Variants in DMD observed in about 807,000 individuals in gnomAD.
The protein encoded by DMD is dystrophin.
Under a neutral mutation model 330.1 loss-of-function variants are expected in DMD, and 63 were observed. That is an observed-to-expected ratio of 0.19 (90% CI 0.16 to 0.24). The LOEUF is 0.24. Ranked by LOEUF, DMD falls within the 10% of genes least tolerant of loss-of-function variation. DMD has a pLI of 1.00. For synonymous variants in DMD, 1,223 were observed against 959.8 expected, an observed-to-expected ratio of 1.27 and a Z score of -5.07; for missense variants, 3,344 against 2,684.1, an observed-to-expected ratio of 1.25 and a Z score of -5.43.
intron 1 of DMD, among the ~76,000 whole-genome samples, chrX:33,111,973 C>T (rs903175939): frequency 9.0e-6 from 1 of 111,034 alleles, no homozygotes; most frequent in Non-Finnish European, 1.9e-5. Context: ...AAAGCAACTA[C>T]ATGAAATAAA....
intron 50 of DMD, among the ~76,000 whole-genome samples, chrX:31,793,934 C>T (rs1406820397): frequency 9.0e-6 from 1 of 111,516 alleles, no homozygotes; most frequent in African/African-American, 3.3e-5. Flanking sequence ...GAGAAATCAG[C>T]ACTTGCCCTT....
chrX:32,502,628 A>G lies in DMD; in HGVS notation c.2293-786T>C, dbSNP rs778001213. On this transcript the variant is annotated intron_variant, in intron 18 of 78. Coordinates refer to ENST00000357033, the MANE Select transcript of DMD (RefSeq NM_004006.3). ...TATAACAATGTGTATGTCCTAAAAC[A>G]TAACTATTCAAATAACTATAACGCA... Among the ~76,000 whole-genome samples, 128 of 112,404 alleles carry G rather than the reference A, an allele frequency of 1.1e-3. 1 individual carries two copies. The highest frequency in any genetic ancestry group is 1.0e-3 in the Non-Finnish European group (55 of 53,257).
intron 71 of DMD, among the ~76,000 whole-genome samples, chrX:31,177,500 TATAAC>T (rs982721563): frequency 1.8e-5 from 2 of 111,831 alleles, no homozygotes; most frequent in African/African-American, 6.5e-5. Flanking sequence ...ATAGTCCACT[TATAAC>T]AGACCCTAAA....
At chrX:32,031,838 T>C (rs981417184) in intron 44 of DMD, among the ~76,000 whole-genome samples, 1 of 112,050 alleles carries the variant, frequency 8.9e-6, no homozygotes, top group Admixed American at 9.5e-5. Context: ...TTCAAATGTT[T>C]GTCTTGCTAA....
intron 16 of DMD, among the ~76,000 whole-genome samples, chrX:32,551,880 T>C (rs1056305906): frequency 9.0e-6 from 1 of 111,689 alleles, no homozygotes; most frequent in Admixed American, 9.5e-5. Flanking sequence ...CATTCATAAT[T>C]GTCAAAAAGA....
At chrX:32,395,879 T>A in intron 30 of DMD, among the ~76,000 whole-genome samples, 1 of 111,560 alleles carries the variant, frequency 9.0e-6, no homozygotes, top group East Asian at 2.8e-4. Flanking sequence ...CTACAGAACC[T>A]TAAGTTTCAG....
chrX:32,448,652 A>C lies in DMD; in HGVS notation c.3604-14T>G. On this transcript the variant is annotated splice_polypyrimidine_tract_variant and intron_variant, in intron 26 of 78. Coordinates refer to ENST00000357033, the MANE Select transcript of DMD (RefSeq NM_004006.3). ...TTCTTTAGCTCTCTGAAAAATAAAGAATGCTCTCTTAATAGCATGAAAATA... is the reference window on the plus strand; with the variant it reads ...TTCTTTAGCTCTCTGAAAAATAAAGCATGCTCTCTTAATAGCATGAAAATA... The C allele has an allele frequency of 8.4e-7, 1 of 1,192,068 alleles. No homozygotes were observed. Among genetic ancestry groups the C allele is most frequent in the Non-Finnish European group, 1.1e-6 (1 of 883,014 alleles).
chrX:32,975,655 T>C (rs1359930418), intron 2 of DMD, among the ~76,000 whole-genome samples: 2 of 111,240 alleles, frequency 1.8e-5, no homozygotes, highest in African/African-American at 6.5e-5. Flanking sequence ...CTGATGTACA[T>C]GCTGCCTCTT....
At chrX:32,610,832 T>A (rs2057111432) in intron 12 of DMD, among the ~76,000 whole-genome samples, 1 of 111,105 alleles carries the variant, frequency 9.0e-6, no homozygotes, top group Non-Finnish European at 1.9e-5. Flanking sequence ...TGATGCATTT[T>A]GTTGTCAGAA....
chrX:31,905,086 A>G (rs1353987442), intron 47 of DMD, among the ~76,000 whole-genome samples: 2 of 111,515 alleles, frequency 1.8e-5, no homozygotes, highest in Non-Finnish European at 3.8e-5. Flanking sequence ...TCAAATATAT[A>G]CTCAGATGAA....
At position 33,079,826 on chromosome X, in the gene DMD, A is replaced by G. The variant is rs192396807; in HGVS notation, c.32-59626T>C. On this transcript the variant is annotated intron_variant, in intron 1 of 78. Transcript: ENST00000357033. ...TCTTAAAAGAAAAACCTTTATTCTG[A>G]CAGAGGAGACTTAGCTTTCCAAACA... 5.9e-4 allele frequency among the ~76,000 whole-genome samples: 66 copies of G among 111,883 alleles called. No individual in the cohort carries two copies. In the Middle Eastern group the frequency reaches 0.018, roughly 31 times the overall value.
At chrX:33,234,100 C>T (rs767985937) in intron 1 of DMD, among the ~76,000 whole-genome samples, 10 of 111,660 alleles carry the variant, frequency 9.0e-5, no homozygotes, top group African/African-American at 2.9e-4. Flanking sequence ...TGCTCTATAC[C>T]GGTCCTCAGA....
chrX:32,491,984 T>A (rs1187698373), intron 19 of DMD, among the ~76,000 whole-genome samples: 2 of 111,512 alleles, frequency 1.8e-5, no homozygotes, highest in African/African-American at 6.5e-5. Context: ...ATTTTCATAG[T>A]TTTAAAAAGA....
chrX:31,544,761 C>G (rs2074050150), intron 55 of DMD, among the ~76,000 whole-genome samples: 1 of 111,136 alleles, frequency 9.0e-6, no homozygotes, highest in Non-Finnish European at 1.9e-5. Flanking sequence ...TTATAGGTGC[C>G]TCAGCCATGA....
chrX:32,662,684 G>A (rs1357082289), intron 9 of DMD, among the ~76,000 whole-genome samples: 2 of 111,582 alleles, frequency 1.8e-5, no homozygotes, highest in East Asian at 2.8e-4. Context: ...ATTATCTGGA[G>A]GTGTTATTTC....
At chrX:32,733,021 T>A (rs1221557895) in intron 7 of DMD, among the ~76,000 whole-genome samples, 12 of 110,379 alleles carry the variant, frequency 1.1e-4, no homozygotes, top group African/African-American at 4.0e-4. Context: ...GAAACCCATC[T>A]CATGTGCAGA....
intron 13 of DMD, among the ~76,000 whole-genome samples, chrX:32,595,191 T>A (rs1271161889): frequency 9.0e-6 from 1 of 111,532 alleles, no homozygotes; most frequent in East Asian, 2.8e-4. Context: ...CGATATTTAG[T>A]AGATGTCTTT....
At position 32,861,824 on chromosome X, in the gene DMD, G is replaced by T. The variant is rs758049608; in HGVS notation, c.94-12004C>A. ...AAGGAAGACAAAAGTGGAGAGTAGG[G>T]CCAAAGAAATAAGCCAAAGACATTC... On this transcript the variant is annotated intron_variant, in intron 2 of 78. Transcript: ENST00000357033. 9.5e-4 allele frequency among the ~76,000 whole-genome samples: 106 copies of T among 111,587 alleles called. 1 individual carries two copies. The highest frequency in any genetic ancestry group is 3.2e-3 in the African/African-American group (98 of 30,694).
intron 43 of DMD, among the ~76,000 whole-genome samples, chrX:32,256,353 T>G (rs1447100330): frequency 9.1e-6 from 1 of 110,110 alleles, no homozygotes; most frequent in East Asian, 2.8e-4. Context: ...TTTTTTGCTT[T>G]CCATTTGCTT....
Sources: gnomAD v4.1 joint callset for allele counts (sites outside exome capture counted in the v4.1 genomes callset) on GRCh38, gnomAD v4.1.1 for gene constraint, MANE v1.5 for transcripts, NCBI Gene and HGNC (gene_info 2026-07-23, HGNC 2026-07-21) for gene names.